The following ADCY1 variants were observed in gnomAD, a reference collection of about 807,000 sequenced individuals.
ADCY1 encodes the protein adenylate cyclase 1, also known as adenylate cyclase type 1.
Under a neutral mutation model 105.4 loss-of-function variants are expected in ADCY1, and 28 were observed. That is an observed-to-expected ratio of 0.27 (90% confidence interval 0.20 to 0.36). The LOEUF is 0.36. Ranked by LOEUF, ADCY1 falls within the 10% of genes least tolerant of loss-of-function variation. The pLI is 1.00. For synonymous variants in ADCY1, 655 were observed against 623.8 expected, an observed-to-expected ratio of 1.05 and a Z score of -0.75; for missense variants, 977 against 1,434.2, an observed-to-expected ratio of 0.68 and a Z score of 5.15.
At position 45,685,949 on chromosome 7, in the gene ADCY1, C is replaced by T; in HGVS notation, c.2074-13C>T. The T allele has an allele frequency of 6.2e-7, 1 of 1,608,328 alleles. No homozygotes were observed. The highest frequency in any genetic ancestry group is 8.5e-7 in the Non-Finnish European group (1 of 1,176,762). On this transcript the variant is annotated splice_polypyrimidine_tract_variant and intron_variant, in intron 12 of 19. Coordinates refer to ENST00000297323, the MANE Select transcript of ADCY1 (RefSeq NM_021116.4). ...TGCCCTTTGCTAAGCCCCTGTGACC[C>T]CTCCCTTCCCAGGTGGGCTGCCTGC... is the stretch of plus-strand genomic sequence containing the variant.
At chr7:45,638,697 G>A (rs1034238311) in intron 4 of ADCY1, among the ~76,000 whole-genome samples, 6 of 151,726 alleles carry the variant, frequency 4.0e-5, no homozygotes, top group African/African-American at 7.3e-5. Flanking sequence ...TGTGAGATGC[G>A]TGTCCCTCAG....
intron 1 of ADCY1, among the ~76,000 whole-genome samples, chr7:45,579,789 C>G (rs1243994713): frequency 6.6e-6 from 1 of 152,228 alleles, no homozygotes; most frequent in Non-Finnish European, 1.5e-5. Context: ...AGTTTTGCTG[C>G]TGTCCTGGGC....
intron 2 of ADCY1, among the ~76,000 whole-genome samples, chr7:45,607,325 C>T (rs931801149): frequency 1.3e-5 from 2 of 152,128 alleles, no homozygotes; most frequent in Non-Finnish European, 2.9e-5. Context: ...CCACCTGTGT[C>T]CCTAGTGTGT....
At chr7:45,627,660 A>G (rs1794101766) in intron 4 of ADCY1, among the ~76,000 whole-genome samples, 1 of 152,162 alleles carries the variant, frequency 6.6e-6, no homozygotes, top group African/African-American at 2.4e-5. Context: ...GGGGTGGCCT[A>G]CAACAGGCAC....
intron 8 of ADCY1, among the ~76,000 whole-genome samples, chr7:45,676,800 A>G (rs1784462864): frequency 6.7e-6 from 1 of 149,256 alleles, no homozygotes; most frequent in Non-Finnish European, 1.5e-5. Flanking sequence ...GGCTCCCCAC[A>G]TGGTCTTTGC....
chr7:45,661,525 T>G (rs1795105807), intron 7 of ADCY1, among the ~76,000 whole-genome samples: 1 of 152,120 alleles, frequency 6.6e-6, no homozygotes, highest in African/African-American at 2.4e-5. Context: ...TCACCTCATT[T>G]GACCTTGAGA....
intron 5 of ADCY1, among the ~76,000 whole-genome samples, chr7:45,649,067 A>G (rs944095264): frequency 2.0e-5 from 3 of 152,232 alleles, no homozygotes; most frequent in Non-Finnish European, 4.4e-5. Context: ...ATTGTCAGGT[A>G]TGCATGAGTC....
In ADCY1 at chr7:45,677,955, C is replaced by T. The variant is rs367735209; in HGVS notation, c.1692C>T (p.Arg564=). The stretch of plus-strand genomic sequence containing the variant: ...TTGTCTACACCACCCCGGGCACTCG[C>T]GTCAACAGGTACATCAGCCGCCTCT... ...TNVVYTTPGT[R]VNRYISRLLE... is the part of the protein sequence containing the mutation. Residue 564 remains arginine (R), a synonymous_variant, in exon 9 of 20, where the codon CGC becomes CGT. Transcript: ENST00000297323. 2.5e-5 allele frequency: 41 copies of T among 1,614,108 alleles called. No individual in the cohort carries two copies. Among genetic ancestry groups the T allele is most frequent in the East Asian group, 2.2e-4 (10 of 44,892 alleles).
chr7:45,694,122 A>T (rs948050230), intron 14 of ADCY1, among the ~76,000 whole-genome samples: 47 of 148,562 alleles, frequency 3.2e-4, no homozygotes, highest in South Asian at 8.5e-4. Context: ...TAATAAAAAA[A>T]AAAAAAAAAA....
At chr7:45,666,939 T>A (rs1191957104) in intron 8 of ADCY1, among the ~76,000 whole-genome samples, 1 of 152,252 alleles carries the variant, frequency 6.6e-6, no homozygotes. Flanking sequence ...TTGAGAAGTG[T>A]CTGTTCATAT....
At chr7:45,663,676 G>A (rs1223128239) in intron 8 of ADCY1, among the ~76,000 whole-genome samples, 1 of 152,104 alleles carries the variant, frequency 6.6e-6, no homozygotes, top group Non-Finnish European at 1.5e-5. Context: ...AAAATTAGCC[G>A]GGCGTGGTGG....
At chr7:45,594,705 A>G (rs938767741) in intron 2 of ADCY1, among the ~76,000 whole-genome samples, 1 of 151,984 alleles carries the variant, frequency 6.6e-6, no homozygotes, top group Non-Finnish European at 1.5e-5. Flanking sequence ...TAAGCAAGGA[A>G]TTTTTTCCTC....
chr7:45,622,165 G>A (rs755508273), intron 3 of ADCY1, among the ~76,000 whole-genome samples: 1 of 152,146 alleles, frequency 6.6e-6, no homozygotes. Context: ...TCATTGTGAA[G>A]CATTGACACC....
At position 45,575,882 on chromosome 7, in the gene ADCY1, C is replaced by T. The variant is rs370121629; in HGVS notation, c.639+700C>T. Among the ~76,000 whole-genome samples, 26 of 152,376 alleles carry T rather than the reference C, an allele frequency of 1.7e-4. No individual in the cohort carries two copies. In the East Asian group the frequency reaches 5.0e-3, roughly 29 times the overall value. On this transcript the variant is annotated intron_variant, in intron 1 of 19. Transcript: ENST00000297323. The surrounding 1 kb of genome is among the most constrained non-coding windows in gnomAD (Gnocchi z 4.7). ...CGGGCGGGCGAGATGGTTGCAAGGACGGGGACGCTGTCTGCCTCCCGCGGA... is the reference window on the plus strand; with the variant it reads ...CGGGCGGGCGAGATGGTTGCAAGGATGGGGACGCTGTCTGCCTCCCGCGGA...
chr7:45,693,551 G>A (rs1784822528), intron 14 of ADCY1, among the ~76,000 whole-genome samples: 1 of 149,874 alleles, frequency 6.7e-6, no homozygotes, highest in African/African-American at 2.5e-5. Context: ...CTTCTTCCTG[G>A]TTTAGTCTTG....
intron 4 of ADCY1, among the ~76,000 whole-genome samples, chr7:45,625,938 C>T (rs1794049255): frequency 6.6e-6 from 1 of 152,212 alleles, no homozygotes. Context: ...CTATTTGCTT[C>T]TCCCAGTGAC....
chr7:45,574,792 G>A lies in ADCY1; in HGVS notation c.249G>A (p.Ala83=). Residue 83 remains alanine (A), a synonymous_variant, in exon 1 of 20, where the codon GCG becomes GCA. Transcript: ENST00000297323. This position sits in a 1 kb window ranked among gnomAD's most constrained non-coding sequence, Gnocchi z 7.0. ...GALALAELLG[A]PGPAPGLAKG... is the part of the protein sequence containing the mutation. ...TGGCGCTGGCCGAGCTGCTGGGCGC[G>A]CCGGGGCCCGCGCCCGGCCTGGCCA... 3 of 1,549,786 alleles carry A rather than the reference G, an allele frequency of 1.9e-6. No homozygotes were observed. Among genetic ancestry groups the A allele is most frequent in the Non-Finnish European group, 2.6e-6 (3 of 1,155,040 alleles).
intron 1 of ADCY1, among the ~76,000 whole-genome samples, chr7:45,582,741 T>C (rs1311933641): frequency 6.6e-6 from 1 of 152,154 alleles, no homozygotes; most frequent in Non-Finnish European, 1.5e-5. Context: ...TCTTCTGCAG[T>C]ATTTTGCTAA....
rs1186806673 is a variant in ADCY1 at position 45,686,461 on chromosome 7, ACT to A, written c.2328-83_2328-82del. ...TTTTGGGTGTCACCACCTGAGGGTC[ACT>A]CTGAACAGTTCTTGGGTTTGGTGGC... is the stretch of plus-strand genomic sequence containing the variant. On this transcript the variant is annotated intron_variant, in intron 13 of 19. Coordinates refer to ENST00000297323, the MANE Select transcript of ADCY1 (RefSeq NM_021116.4). This position sits in a 1 kb window ranked among gnomAD's most constrained non-coding sequence, Gnocchi z 4.3. 2.4e-4 allele frequency: 364 copies of A among 1,531,068 alleles called. No individual in the cohort carries two copies. The highest frequency in any genetic ancestry group is 3.0e-4 in the Non-Finnish European group (345 of 1,137,632). The allele number at this position is 1,531,068 out of a possible 1,614,324, so 94.8% of individuals were successfully genotyped here.
Sources: allele counts gnomAD v4.1 joint callset (sites outside exome capture counted in the v4.1 genomes callset), GRCh38; gene constraint gnomAD v4.1.1; non-coding constraint Gnocchi (gnomAD v3.1); transcripts MANE v1.5; gene names NCBI Gene and HGNC (gene_info 2026-07-23, HGNC 2026-07-21).